TTLL7: variants seen among roughly 807,000 people sequenced by gnomAD.
The protein encoded by TTLL7 is tubulin polyglutamylase TTLL7.
TTLL7 carries 53 observed loss-of-function variants against 120.2 expected under a neutral mutation model. The observed-to-expected ratio is 0.44, with a 90% confidence interval of 0.35 to 0.55. The LOEUF (loss-of-function observed/expected upper bound fraction) is 0.55. Ranked by LOEUF, TTLL7 falls within the 20% of genes least tolerant of loss-of-function variation. The probability of loss-of-function intolerance (pLI) is 0.00; values close to 1 mark genes in which losing one functional copy is unlikely to be tolerated. For missense variants in TTLL7, 803 were observed against 1,054.7 expected (o/e 0.76, Z 3.31); for synonymous variants, 353 against 351.7 (o/e 1.00, Z -0.04).
chr1:83,962,254 T>C (rs985231829), intron 1 of TTLL7, among the ~76,000 whole-genome samples: 3 of 152,132 alleles, frequency 2.0e-5, no homozygotes, highest in African/African-American at 7.2e-5. Flanking sequence ...TTGATATTCC[T>C]CTTATGTTCC....
chr1:83,905,268 T>C (rs1193791124), intron 17 of TTLL7, among the ~76,000 whole-genome samples: 1 of 151,846 alleles, frequency 6.6e-6, no homozygotes, highest in Admixed American at 6.6e-5. Context: ...TTTCACTTTT[T>C]AAAAATATAT....
At chr1:83,986,022 T>C (rs945888184) in intron 1 of TTLL7, among the ~76,000 whole-genome samples, 2 of 152,190 alleles carry the variant, frequency 1.3e-5, no homozygotes, top group African/African-American at 2.4e-5. Context: ...ACAAACTCTT[T>C]CAGAAAATAG....
At chr1:83,974,794 A>T (rs1651313231) in intron 1 of TTLL7, among the ~76,000 whole-genome samples, 1 of 152,082 alleles carries the variant, frequency 6.6e-6, no homozygotes, top group African/African-American at 2.4e-5. Context: ...TATCTTTGTC[A>T]AATTGACCTA....
intron 4 of TTLL7, chr1:83,948,920 C>T: frequency 2.8e-6 from 1 of 357,528 alleles, no homozygotes; most frequent in African/African-American, 2.1e-5. Flanking sequence ...AAAAGAATAT[C>T]TACATAGATA....
At chr1:83,917,506 T>G in intron 14 of TTLL7, 98 bp downstream of exon 14, 1 of 838,704 alleles carries the variant, frequency 1.2e-6, no homozygotes, top group Non-Finnish European at 1.9e-6. Flanking sequence ...TCCCTGTGGT[T>G]CCTTTTTTAA....
chr1:83,897,014 T>C (rs1012360262), intron 18 of TTLL7, among the ~76,000 whole-genome samples: 3 of 152,106 alleles, frequency 2.0e-5, no homozygotes, highest in African/African-American at 7.2e-5. Context: ...CATTTTCACC[T>C]GGTGAGGGTT....
At chr1:83,876,636 A>G (rs959699003) in intron 20 of TTLL7, among the ~76,000 whole-genome samples, 1 of 151,878 alleles carries the variant, frequency 6.6e-6, no homozygotes, top group African/African-American at 2.4e-5. Flanking sequence ...GGTCATATAC[A>G]TTTCTTGCGA....
chr1:83,993,002 T>C (rs1368242782), intron 1 of TTLL7, among the ~76,000 whole-genome samples: 1 of 152,084 alleles, frequency 6.6e-6, no homozygotes, highest in African/African-American at 2.4e-5. Flanking sequence ...AAAAATAGAT[T>C]TTTCAATAAT....
At chr1:83,944,987 T>C (rs969680964) in intron 6 of TTLL7, among the ~76,000 whole-genome samples, 1 of 152,202 alleles carries the variant, frequency 6.6e-6, no homozygotes, top group Non-Finnish European at 1.5e-5. Flanking sequence ...GCAATCATTT[T>C]TTAAAACTCA....
chr1:83,966,926 G>A (rs188970723), intron 1 of TTLL7, among the ~76,000 whole-genome samples: 27 of 152,198 alleles, frequency 1.8e-4, no homozygotes, highest in African/African-American at 6.3e-4. Context: ...ATGATGTTGT[G>A]TGGAAAAACA....
intron 8 of TTLL7, among the ~76,000 whole-genome samples, chr1:83,936,876 C>A (rs1166508377): frequency 5.3e-5 from 8 of 152,184 alleles, no homozygotes; most frequent in Non-Finnish European, 1.5e-5. Flanking sequence ...CTCCTTCAGA[C>A]CTCTCCTGAC....
rs769228900 is a variant in TTLL7, at chr1:83,916,797, CAGA to C, written c.1587+804_1587+806del. Among the ~76,000 whole-genome samples the C allele has an allele frequency of 5.9e-5, 9 of 152,130 alleles. No homozygotes were observed. The East Asian group carries it at 9.7e-4, about 16-fold the overall frequency. On this transcript the variant is annotated intron_variant, in intron 14 of 20. Coordinates refer to ENST00000260505, the MANE Select transcript of TTLL7 (RefSeq NM_024686.6). ...TACTAGCAAGAACTTTGACATATAT[CAGA>C]AGAACAGCACTGGATGCAGTGGCTC...
chr1:83,922,667 A>AAAG lies in TTLL7; in HGVS notation c.1143-1274_1143-1273insCTT, dbSNP rs1158650722. 1.1e-3 allele frequency among the ~76,000 whole-genome samples: 173 copies of AAAG among 151,680 alleles called. 4 individuals are homozygous for AAAG. The highest frequency in any genetic ancestry group is 3.5e-3 in the Middle Eastern group (1 of 288). The stretch of plus-strand genomic sequence containing the variant: ...CTGGAGCTCTGGGTGAATGCAAGAA[A>AAAG]CTCAGCTTCTCACATGGACTTGAAT... On this transcript the variant is annotated intron_variant, in intron 10 of 20. Transcript: ENST00000260505.
At chr1:83,892,719 T>TATATGAACATATATATGAGCAC (rs1262628142) in intron 18 of TTLL7, among the ~76,000 whole-genome samples, 1 of 39,804 alleles carries the variant, frequency 2.5e-5, no homozygotes, top group Non-Finnish European at 4.8e-5. Context: ...TATGAACATA[T>TATATGAACATATATATGAGCAC]ATATGTGAAC....
chr1:83,872,273 A>G (rs1479232435), intron 20 of TTLL7, among the ~76,000 whole-genome samples: 1 of 152,236 alleles, frequency 6.6e-6, no homozygotes, highest in Non-Finnish European at 1.5e-5. Context: ...AACAAACCAA[A>G]TTAAATCAAT....
chr1:83,900,222 C>A, intron 18 of TTLL7: 1 of 416,070 alleles, frequency 2.4e-6, no homozygotes, highest in South Asian at 1.8e-5. Flanking sequence ...CAGAAAGAAG[C>A]AGCTAGCTTG....
At chr1:83,910,565 CAGA>C (rs146886520) in intron 15 of TTLL7, among the ~76,000 whole-genome samples, 6,342 of 152,008 alleles carry the variant, frequency 0.042, 155 homozygotes, top group Middle Eastern at 0.099. Context: ...GAAATACAGA[CAGA>C]AGGAGAGAAA....
chr1:83,947,469 C>A, intron 5 of TTLL7, 187 bp from the exon 6 acceptor site: 1 of 504,178 alleles, frequency 2.0e-6, no homozygotes, highest in South Asian at 3.1e-5. Context: ...CTATTCTGGA[C>A]TATGGATTCA....
Position 83,870,007 on chromosome 1 carries a change from C to T in TTLL7, c.2619G>A (p.Met873Ile). 2 of 1,590,722 alleles carry T rather than the reference C, an allele frequency of 1.3e-6. No homozygotes were observed. The highest frequency in any genetic ancestry group is 1.7e-6 in the Non-Finnish European group (2 of 1,171,554). ...TYNLKYNSPG[M>I]TRSNVLFTSR... ...ATGTAAACAAAACATTGGAGCGAGT[C>T]ATTCCAGGTGAATTGTACTTCAAGT... Residue 873 changes from methionine (M) to isoleucine (I), a missense_variant, in exon 21 of 21, where the codon ATG becomes ATA. By Grantham distance (10) the Met-to-Ile change is conservative. Around this residue, in one of 3 missense-constraint regions of TTLL7, gnomAD observed 388 missense variants for 450.4 expected, o/e 0.86. Coordinates refer to ENST00000260505, the MANE Select transcript of TTLL7 (RefSeq NM_024686.6).
Sources: allele counts gnomAD v4.1 joint callset (sites outside exome capture counted in the v4.1 genomes callset), GRCh38; gene constraint gnomAD v4.1.1; regional missense constraint gnomAD v4.1.1; transcripts MANE v1.5; gene names NCBI Gene and HGNC (gene_info 2026-07-23, HGNC 2026-07-21).